The following KCNAB1 variants were observed in gnomAD, a reference collection of about 807,000 sequenced individuals.
KCNAB1 encodes potassium voltage-gated channel subfamily A regulatory beta subunit 1, also known as voltage-gated potassium channel subunit beta-1.
Under a neutral mutation model 64.6 loss-of-function variants are expected in KCNAB1, and 35 were observed. That is an observed-to-expected ratio of 0.54 (90% CI 0.41 to 0.72). The LOEUF is 0.72. Among genes scored for constraint, KCNAB1 ranks in the 30% least tolerant of loss-of-function variants. KCNAB1 has a pLI of 0.00. For missense variants in KCNAB1, 401 were observed against 512.9 expected (o/e 0.78, Z 2.11); for synonymous variants, 177 against 183.8 (o/e 0.96, Z 0.30).
intron 1 of KCNAB1, among the ~76,000 whole-genome samples, chr3:156,418,453 G>A (rs1715243327): frequency 6.6e-6 from 1 of 152,180 alleles, no homozygotes; most frequent in Non-Finnish European, 1.5e-5. Context: ...AAGTATTTGG[G>A]CTTCTATTAC....
At chr3:156,354,709 G>A in intron 1 of KCNAB1, among the ~76,000 whole-genome samples, 1 of 128,092 alleles carries the variant, frequency 7.8e-6, no homozygotes, top group Non-Finnish European at 1.6e-5. Flanking sequence ...GCTTAATCAA[G>A]TGTATCTCCC....
At position 156,407,200 on chromosome 3, in the gene KCNAB1, C is replaced by G. The variant is rs80351529; in HGVS notation, c.276-14416C>G. On this transcript the variant is annotated intron_variant, in intron 1 of 13. Transcript: ENST00000490337. ...TGCTCTCTCCTCACATACCAAACTC[C>G]AGCAGACTCACCTGCTTTCTGCTCA... 2.8e-4 allele frequency among the ~76,000 whole-genome samples: 43 copies of G among 152,268 alleles called. 1 individual carries two copies. Among genetic ancestry groups the G allele is most frequent in the African/African-American group, 9.4e-4 (39 of 41,560 alleles).
chr3:156,459,768 A>G, intron 4 of KCNAB1, 59 bp from the exon 5 acceptor site: 1 of 1,285,412 alleles, frequency 7.8e-7, no homozygotes, highest in South Asian at 1.3e-5. Context: ...TGTGTTCTGG[A>G]TTGACTCTTG....
At chr3:156,363,104 G>C (rs886168913) in intron 1 of KCNAB1, among the ~76,000 whole-genome samples, 1 of 152,198 alleles carries the variant, frequency 6.6e-6, no homozygotes, top group Non-Finnish European at 1.5e-5. Flanking sequence ...TAAAGCTAAA[G>C]AAACCATTAC....
chr3:156,429,541 G>T (rs749114365), intron 2 of KCNAB1, among the ~76,000 whole-genome samples: 11 of 152,190 alleles, frequency 7.2e-5, no homozygotes, highest in African/African-American at 9.7e-5. Context: ...TCTTTTTAAT[G>T]CATTCATATG....
At chr3:156,269,077 G>T (rs1177025149) in intron 1 of KCNAB1, among the ~76,000 whole-genome samples, 1 of 152,078 alleles carries the variant, frequency 6.6e-6, no homozygotes, top group African/African-American at 2.4e-5. Flanking sequence ...TTCTGCATAT[G>T]GATATCCAAT....
At chr3:156,270,626 T>G (rs1414086276) in intron 1 of KCNAB1, among the ~76,000 whole-genome samples, 1 of 152,216 alleles carries the variant, frequency 6.6e-6, no homozygotes, top group African/African-American at 2.4e-5. Flanking sequence ...TTTTATTGTT[T>G]CTATTTATAT....
intron 1 of KCNAB1, among the ~76,000 whole-genome samples, chr3:156,360,132 A>T (rs1447467934): frequency 6.6e-6 from 1 of 152,248 alleles, no homozygotes; most frequent in Non-Finnish European, 1.5e-5. Flanking sequence ...AATGTTCATA[A>T]TTTATTGTTA....
chr3:156,193,016 A>G (rs1713658785), intron 1 of KCNAB1, among the ~76,000 whole-genome samples: 1 of 152,060 alleles, frequency 6.6e-6, no homozygotes, highest in African/African-American at 2.4e-5. Flanking sequence ...AATTATTGAT[A>G]TGGTTGGATT....
intron 1 of KCNAB1, among the ~76,000 whole-genome samples, chr3:156,162,940 T>C (rs146935448): frequency 2.1e-4 from 32 of 152,308 alleles, no homozygotes; most frequent in African/African-American, 7.2e-4. Context: ...AAGCCAATTA[T>C]ATAATTCACA....
chr3:156,465,496 G>A (rs1356620612), intron 6 of KCNAB1, 147 bp from the exon 7 acceptor site: 1 of 640,796 alleles, frequency 1.6e-6, no homozygotes, highest in East Asian at 2.8e-5. Flanking sequence ...TCAGTGTGTT[G>A]CCCACCAGAC....
At chr3:156,514,838 C>T (rs933514830) in intron 9 of KCNAB1, among the ~76,000 whole-genome samples, 16 of 152,222 alleles carry the variant, frequency 1.1e-4, no homozygotes, top group Admixed American at 3.3e-4. Flanking sequence ...TTTTCTTTAT[C>T]GTAGTGTACA....
chr3:156,139,546 T>C (rs1225535026), intron 1 of KCNAB1, among the ~76,000 whole-genome samples: 1 of 149,304 alleles, frequency 6.7e-6, no homozygotes, highest in East Asian at 2.0e-4. Flanking sequence ...GCAACTTTAC[T>C]TGGGAATGCT....
chr3:156,136,190 A>T (rs1714335787), intron 1 of KCNAB1, among the ~76,000 whole-genome samples: 1 of 152,260 alleles, frequency 6.6e-6, no homozygotes, highest in South Asian at 2.1e-4. Context: ...ACCCTTAGAC[A>T]CTGACAGCAT....
intron 1 of KCNAB1, among the ~76,000 whole-genome samples, chr3:156,273,149 C>G (rs1228134070): frequency 6.6e-6 from 1 of 151,236 alleles, no homozygotes; most frequent in Non-Finnish European, 1.5e-5. Context: ...AAACGGGTCT[C>G]TTTTGGAACT....
At chr3:156,276,039 T>C (rs1719324565) in intron 1 of KCNAB1, among the ~76,000 whole-genome samples, 1 of 152,208 alleles carries the variant, frequency 6.6e-6, no homozygotes, top group African/African-American at 2.4e-5. Flanking sequence ...TGTAGCCTTA[T>C]GAAATGTATT....
At chr3:156,538,930 C>CA (rs763397163), downstream of KCNAB1, 4 of 152,182 alleles carry the variant, frequency 2.6e-5, no homozygotes, top group Non-Finnish European at 2.9e-5. Flanking sequence ...ACTTGCAAAT[C>CA]AAAACCAAAT....
At chr3:156,410,387 C>T (rs1292428525) in intron 1 of KCNAB1, among the ~76,000 whole-genome samples, 1 of 152,178 alleles carries the variant, frequency 6.6e-6, no homozygotes, top group Admixed American at 6.5e-5. Context: ...GTCCTTTGCC[C>T]CCATCTCCTT....
intron 1 of KCNAB1, among the ~76,000 whole-genome samples, chr3:156,338,330 T>TTTTTTTTTTTTTTTTA (rs1723871417): frequency 7.9e-6 from 1 of 125,950 alleles, no homozygotes; most frequent in Non-Finnish European, 1.7e-5. Flanking sequence ...TTTTTTTTTT[T>TTTTTTTTTTTTTTTTA]ACAGAGTTTA....
Sources: gnomAD v4.1 joint callset for allele counts (sites outside exome capture counted in the v4.1 genomes callset) on GRCh38, gnomAD v4.1.1 for gene constraint, MANE v1.5 for transcripts, NCBI Gene and HGNC (gene_info 2026-07-23, HGNC 2026-07-21) for gene names.